The following SLC6A6 variants were observed in gnomAD, a reference collection of about 807,000 sequenced individuals.
The protein encoded by SLC6A6 is sodium- and chloride-dependent taurine transporter.
In SLC6A6, 16 loss-of-function variants were observed where a neutral mutation model predicts 68.8. The ratio of observed to expected loss-of-function variants is 0.23; its 90% confidence interval spans 0.16 to 0.35. The LOEUF is 0.35. Ranked by LOEUF, SLC6A6 falls within the 10% of genes least tolerant of loss-of-function variation. SLC6A6 has a pLI of 1.00. For synonymous variants in SLC6A6, 312 were observed against 315.4 expected, an observed-to-expected ratio of 0.99 and a Z score of 0.12; for missense variants, 474 against 802.8, an observed-to-expected ratio of 0.59 and a Z score of 4.95.
Position 14,406,475 on chromosome 3 carries a change from C to T in SLC6A6, c.-54+3628C>T, listed in dbSNP as rs199648620. Among the ~76,000 whole-genome samples the T allele has an allele frequency of 3.9e-5, 6 of 152,236 alleles. No homozygotes were observed. In the East Asian group the frequency reaches 7.7e-4, roughly 20 times the overall value. On this transcript the variant is annotated intron_variant, in intron 1 of 14. Transcript: ENST00000622186. ...TGGGGTCCAGGAGACGGAGAGTCAC[C>T]GAGCCACTAAGCATTTTCTGTACCA... is the stretch of plus-strand genomic sequence containing the variant.
chr3:14,463,713 C>T (rs1168213806), intron 6 of SLC6A6, among the ~76,000 whole-genome samples: 1 of 152,204 alleles, frequency 6.6e-6, no homozygotes, highest in South Asian at 2.1e-4. Context: ...TGCCCCCGCC[C>T]TCCACGTCTG....
rs75859491 is a variant in SLC6A6, at chr3:14,410,891, G to A, written c.-53-5521G>A. 1,203 of 152,468 alleles carry A rather than the reference G, an allele frequency of 7.9e-3. 11 individuals carry two copies. The highest frequency in any genetic ancestry group is 0.033 in the East Asian group (172 of 5,184). 9.4% of individuals were successfully genotyped at this position (152,468 alleles called of 1,614,324 possible). ...ATTTCAGCAGAGTCATGCTTACTGA[G>A]TGAAGGGTGCCGGAAGGGGGAGGTC... On this transcript the variant is annotated intron_variant, in intron 1 of 14. Transcript: ENST00000622186.
chr3:14,429,579 C>G (rs950983512), intron 2 of SLC6A6, among the ~76,000 whole-genome samples: 1 of 152,216 alleles, frequency 6.6e-6, no homozygotes, highest in Non-Finnish European at 1.5e-5. Context: ...GATGTTTTGC[C>G]CAGGTGCCTC....
intron 9 of SLC6A6, among the ~76,000 whole-genome samples, chr3:14,470,283 C>T (rs1414686394): frequency 1.3e-5 from 2 of 152,184 alleles, no homozygotes; most frequent in African/African-American, 4.8e-5. Context: ...TCTGAACAGC[C>T]GGCACATCAA....
intron 13 of SLC6A6, among the ~76,000 whole-genome samples, chr3:14,480,969 T>C (rs1024122012): frequency 1.3e-5 from 2 of 152,202 alleles, no homozygotes; most frequent in Admixed American, 6.5e-5. Flanking sequence ...CCCAGGCCCC[T>C]GCTGCTGGTG....
chr3:14,419,616 C>A (rs941787916), intron 2 of SLC6A6, among the ~76,000 whole-genome samples: 1 of 152,140 alleles, frequency 6.6e-6, no homozygotes, highest in African/African-American at 2.4e-5. Context: ...GGTAACCCAC[C>A]CCTGAAATGG....
At chr3:14,411,647 C>T (rs1480138134) in intron 1 of SLC6A6, among the ~76,000 whole-genome samples, 1 of 152,220 alleles carries the variant, frequency 6.6e-6, no homozygotes, top group Non-Finnish European at 1.5e-5. Context: ...GTGTGGCACA[C>T]AGTTGTTGCT....
chr3:14,478,251 A>G (rs1265384169), intron 11 of SLC6A6, among the ~76,000 whole-genome samples: 1 of 152,180 alleles, frequency 6.6e-6, no homozygotes, highest in Non-Finnish European at 1.5e-5. Flanking sequence ...CCGTGGACCC[A>G]TCATTTTGCT....
At chr3:14,473,620 T>C (rs1047104195) in intron 10 of SLC6A6, among the ~76,000 whole-genome samples, 1 of 151,826 alleles carries the variant, frequency 6.6e-6, no homozygotes, top group African/African-American at 2.4e-5. Context: ...GAGCAGGGGA[T>C]TTGGCAGAGA....
chr3:14,431,104 T>C (rs903677826), intron 2 of SLC6A6, among the ~76,000 whole-genome samples: 1 of 152,152 alleles, frequency 6.6e-6, no homozygotes, highest in Non-Finnish European at 1.5e-5. Context: ...TAATGAAAAG[T>C]GATTTCCTAA....
At chr3:14,416,297 C>A (rs548961551) in intron 1 of SLC6A6, 115 bp from the exon 2 acceptor site, 1 of 397,402 alleles carries the variant, frequency 2.5e-6, no homozygotes, top group Non-Finnish European at 4.4e-6. Flanking sequence ...TGGTCAGCCC[C>A]TCCCCAGCAC....
chr3:14,484,326 C>T lies in SLC6A6; in HGVS notation c.1723-541C>T, dbSNP rs377094077. On this transcript the variant is annotated intron_variant, in intron 14 of 14. Coordinates refer to ENST00000622186, the MANE Select transcript of SLC6A6 (RefSeq NM_003043.6). ...CCAAGCCCTTAAGATGTAAACCCTG[C>T]TGGGAGGACTGGATGCCTTCAGGAA... Among the ~76,000 whole-genome samples, 419 of 152,302 alleles carry T rather than the reference C, an allele frequency of 2.8e-3. 22 individuals are homozygous for T. In the South Asian group the frequency reaches 0.081, roughly 30 times the overall value.
intron 2 of SLC6A6, among the ~76,000 whole-genome samples, chr3:14,441,578 A>G (rs995950785): frequency 6.6e-6 from 1 of 152,154 alleles, no homozygotes; most frequent in African/African-American, 2.4e-5. Context: ...CCCCACCCCG[A>G]GCCAGGGAGA....
chr3:14,464,702 G>C (rs1298666161), intron 6 of SLC6A6, among the ~76,000 whole-genome samples: 1 of 152,118 alleles, frequency 6.6e-6, no homozygotes, highest in Non-Finnish European at 1.5e-5. Flanking sequence ...TACATACTTG[G>C]GCCCCAGCAG....
At chr3:14,438,849 A>C (rs1699918790) in intron 2 of SLC6A6, among the ~76,000 whole-genome samples, 1 of 152,240 alleles carries the variant, frequency 6.6e-6, no homozygotes, top group African/African-American at 2.4e-5. Context: ...AGAGACATGT[A>C]GGACACTGGT....
intron 2 of SLC6A6, among the ~76,000 whole-genome samples, chr3:14,422,212 C>T (rs1195427080): frequency 6.6e-6 from 1 of 152,142 alleles, no homozygotes; most frequent in Non-Finnish European, 1.5e-5. Flanking sequence ...GGGCTGGCTC[C>T]TCAGGCACCC....
chr3:14,404,940 T>C (rs1321983211), intron 1 of SLC6A6, among the ~76,000 whole-genome samples: 2 of 152,232 alleles, frequency 1.3e-5, no homozygotes, highest in African/African-American at 2.4e-5. Context: ...CCTGTGGTGA[T>C]TGGACCACAT....
In SLC6A6 at chr3:14,436,531, C is replaced by CTTTTT. The variant is rs58996264; in HGVS notation, c.-11-7047_-11-7043dup. Among the ~76,000 whole-genome samples the CTTTTT allele has an allele frequency of 6.2e-4, 70 of 112,536 alleles. 1 individual carries two copies. The highest frequency in any genetic ancestry group is 3.6e-3 in the East Asian group (11 of 3,036). 73.8% of individuals were successfully genotyped at this position (112,536 alleles called of 152,430 possible). ...GAATAGCACTCTTAACAACAACTCC[C>CTTTTT]TTTTTTTTTTTTTTTTTTTTTTTTT... is the stretch of plus-strand genomic sequence containing the variant. On this transcript the variant is annotated intron_variant, in intron 2 of 14. Transcript: ENST00000622186.
intron 1 of SLC6A6, among the ~76,000 whole-genome samples, chr3:14,404,220 A>C (rs1699054533): frequency 6.6e-6 from 1 of 152,180 alleles, no homozygotes; most frequent in Admixed American, 6.5e-5. Flanking sequence ...GATCTTGTCC[A>C]GAGTCTCCTA....
Sources: allele counts gnomAD v4.1 joint callset (sites outside exome capture counted in the v4.1 genomes callset), GRCh38; gene constraint gnomAD v4.1.1; transcripts MANE v1.5; gene names NCBI Gene and HGNC (gene_info 2026-07-23, HGNC 2026-07-21).